Variants in EFNA5 observed in about 807,000 individuals in gnomAD.
EFNA5 encodes ephrin-A5.
In EFNA5, 5 loss-of-function variants were observed where a neutral mutation model predicts 22.9. That is an observed-to-expected ratio of 0.22 (90% CI 0.11 to 0.46). The LOEUF is 0.46. Ranked by LOEUF, EFNA5 falls within the 20% of genes least tolerant of loss-of-function variation. EFNA5 has a pLI of 0.99. For synonymous variants in EFNA5, 113 were observed against 112.2 expected, an observed-to-expected ratio of 1.01 and a Z score of -0.04; for missense variants, 237 against 293.3, an observed-to-expected ratio of 0.81 and a Z score of 1.40.
chr5:107,623,022 C>T (rs1481321262), intron 1 of EFNA5, among the ~76,000 whole-genome samples: 3 of 92,202 alleles, frequency 3.3e-5, no homozygotes, highest in East Asian at 3.0e-4. Flanking sequence ...AGCGAGACTC[C>T]GTCTCAAAAA....
In EFNA5 at chr5:107,578,495, A is replaced by T. The variant is rs76712730; in HGVS notation, c.125+91994T>A. Among the ~76,000 whole-genome samples the T allele has an allele frequency of 6.5e-4, 99 of 152,310 alleles. 1 individual carries two copies. Among genetic ancestry groups the T allele is most frequent in the Admixed American group, 4.7e-3 (72 of 15,304 alleles). On this transcript the variant is annotated intron_variant, in intron 1 of 4. Transcript: ENST00000333274. The stretch of plus-strand genomic sequence containing the variant: ...CAGTTCTAATCAGTAGAGGAAAAAA[A>T]GTGAGAAATTTCTAGACCTTTTAAA...
chr5:107,593,210 C>A (rs745497373), intron 1 of EFNA5, among the ~76,000 whole-genome samples: 5 of 152,100 alleles, frequency 3.3e-5, no homozygotes, highest in Non-Finnish European at 7.4e-5. Context: ...GAGACTCGAC[C>A]CTTATGTGCA....
intron 1 of EFNA5, among the ~76,000 whole-genome samples, chr5:107,619,066 C>T (rs1749981272): frequency 6.6e-6 from 1 of 151,948 alleles, no homozygotes; most frequent in African/African-American, 2.4e-5. Context: ...GGACTACAGG[C>T]ACCTGACACC....
chr5:107,556,672 G>T (rs1273940016), intron 1 of EFNA5, among the ~76,000 whole-genome samples: 1 of 151,914 alleles, frequency 6.6e-6, no homozygotes. Context: ...CTTCAACCGG[G>T]GAGGCGGGGG....
intron 1 of EFNA5, among the ~76,000 whole-genome samples, chr5:107,669,062 C>A (rs1751129427): frequency 6.6e-6 from 1 of 152,142 alleles, no homozygotes; most frequent in South Asian, 2.1e-4. Context: ...GAACTCCCTC[C>A]TGGTTCTGTA....
intron 1 of EFNA5, among the ~76,000 whole-genome samples, chr5:107,553,367 G>T (rs551843298): frequency 6.6e-6 from 1 of 152,218 alleles, no homozygotes; most frequent in African/African-American, 2.4e-5. Flanking sequence ...GGAAAGAAAA[G>T]ATCTCAGCCC....
intron 1 of EFNA5, among the ~76,000 whole-genome samples, chr5:107,481,533 T>C (rs919092911): frequency 6.6e-6 from 1 of 152,112 alleles, no homozygotes; most frequent in Non-Finnish European, 1.5e-5. Flanking sequence ...GTCCTCTGTT[T>C]TTGAACAATA....
chr5:107,619,080 C>A (rs985785604), intron 1 of EFNA5, among the ~76,000 whole-genome samples: 2 of 151,982 alleles, frequency 1.3e-5, no homozygotes, highest in African/African-American at 4.8e-5. Context: ...TGACACCACG[C>A]CTGGCTAATT....
rs1751179313 is a variant in EFNA5, at chr5:107,670,715, C to G, written c.-102G>C. 1.4e-6 allele frequency: 2 copies of G among 1,461,396 alleles called. No homozygotes were observed. The highest frequency in any genetic ancestry group is 1.8e-6 in the Non-Finnish European group (2 of 1,095,816). 90.5% of individuals were successfully genotyped at this position (1,461,396 alleles called of 1,614,324 possible). On this transcript the variant is annotated 5_prime_UTR_variant, in exon 1 of 5. Coordinates refer to ENST00000333274, the MANE Select transcript of EFNA5 (RefSeq NM_001962.3). Reference sequence around the variant, plus strand: ...AAAGGGACAGAGAGAGAGCGGGCGCCAAATAAATATGAATAAATAAAAATG... The same window carrying G: ...AAAGGGACAGAGAGAGAGCGGGCGCGAAATAAATATGAATAAATAAAAATG...
intron 2 of EFNA5, among the ~76,000 whole-genome samples, chr5:107,408,188 C>CCCATCA (rs1554057174): frequency 1.2e-4 from 18 of 152,048 alleles, no homozygotes; most frequent in African/African-American, 3.1e-4. Context: ...CACACACACA[C>CCCATCA]CCATCACCAT....
At chr5:107,611,570 T>A (rs546707375) in intron 1 of EFNA5, among the ~76,000 whole-genome samples, 69 of 152,348 alleles carry the variant, frequency 4.5e-4, no homozygotes, top group Admixed American at 5.9e-4. Context: ...GTGACACACA[T>A]ACATCCAGAA....
chr5:107,556,790 A>AAATATATATATAAAAT (rs142616864), intron 1 of EFNA5, among the ~76,000 whole-genome samples: 14 of 140,548 alleles, frequency 1.0e-4, no homozygotes, highest in African/African-American at 3.7e-4. Context: ...ATAAATAAAT[A>AAATATATATATAAAAT]AAATAAAATA....
chr5:107,653,390 C>T (rs1360915976), intron 1 of EFNA5, among the ~76,000 whole-genome samples: 1 of 152,106 alleles, frequency 6.6e-6, no homozygotes, highest in Non-Finnish European at 1.5e-5. Flanking sequence ...TTTATGAGTT[C>T]GGCTGTGGGC....
chr5:107,528,129 A>C (rs1747735521), intron 1 of EFNA5, among the ~76,000 whole-genome samples: 1 of 152,188 alleles, frequency 6.6e-6, no homozygotes, highest in African/African-American at 2.4e-5. Flanking sequence ...GTTACTCTTC[A>C]GCTCTGTCAT....
At chr5:107,410,233 T>C (rs911016320) in intron 2 of EFNA5, among the ~76,000 whole-genome samples, 4 of 152,088 alleles carry the variant, frequency 2.6e-5, no homozygotes, top group Non-Finnish European at 5.9e-5. Context: ...GGTTTCACCA[T>C]GTTAGCCAGG....
At chr5:107,435,741 G>A (rs1374633110) in intron 1 of EFNA5, among the ~76,000 whole-genome samples, 1 of 152,184 alleles carries the variant, frequency 6.6e-6, no homozygotes, top group African/African-American at 2.4e-5. Flanking sequence ...TACTTATTTG[G>A]CAGCAGAAAT....
At chr5:107,531,886 C>T (rs1432600647) in intron 1 of EFNA5, among the ~76,000 whole-genome samples, 1 of 152,178 alleles carries the variant, frequency 6.6e-6, no homozygotes, top group Non-Finnish European at 1.5e-5. Context: ...AATAAAGATG[C>T]TGACAGTTGT....
At chr5:107,408,379 G>T (rs1748275318) in intron 2 of EFNA5, among the ~76,000 whole-genome samples, 1 of 152,116 alleles carries the variant, frequency 6.6e-6, no homozygotes, top group South Asian at 2.1e-4. Context: ...ATTTGATCCT[G>T]AAAAGTATAT....
At chr5:107,478,515 T>C (rs1011782304) in intron 1 of EFNA5, among the ~76,000 whole-genome samples, 1 of 152,170 alleles carries the variant, frequency 6.6e-6, no homozygotes. Context: ...GATGCAGCCA[T>C]AGCCATTAAG....
Sources: gnomAD v4.1 joint callset for allele counts (sites outside exome capture counted in the v4.1 genomes callset) on GRCh38, gnomAD v4.1.1 for gene constraint, MANE v1.5 for transcripts, NCBI Gene and HGNC (gene_info 2026-07-23, HGNC 2026-07-21) for gene names.